The following MRTFB variants were observed in gnomAD, a reference collection of about 807,000 sequenced individuals.
MRTFB encodes myocardin related transcription factor B.
MRTFB carries 29 observed loss-of-function variants against 104.2 expected under a neutral mutation model. That is an observed-to-expected ratio of 0.28 (90% CI 0.21 to 0.38). The LOEUF is 0.38. MRTFB is among the 10% of genes least tolerant of loss of function. The pLI, the probability that MRTFB is intolerant of heterozygous loss-of-function variation, is 1.00. For missense variants in MRTFB, 1,270 were observed against 1,341.6 expected (o/e 0.95, Z 0.83); for synonymous variants, 535 against 519.5 (o/e 1.03, Z -0.41).
chr16:14,218,703 AT>A (rs931008296), intron 7 of MRTFB, 116 bp from the exon 8 acceptor site: 1,328 of 933,852 alleles, frequency 1.4e-3, no homozygotes, highest in Non-Finnish European at 1.7e-3. Context: ...ATTGTGTTCA[AT>A]TTTTTTTTTA....
chr16:14,129,660 C>T (rs1272499299), intron 2 of MRTFB, among the ~76,000 whole-genome samples: 1 of 152,194 alleles, frequency 6.6e-6, no homozygotes, highest in Non-Finnish European at 1.5e-5. Flanking sequence ...CTCACCAGTG[C>T]TGTGCTAGGG....
At chr16:14,168,080 A>G (rs1212286458) in intron 3 of MRTFB, among the ~76,000 whole-genome samples, 1 of 152,184 alleles carries the variant, frequency 6.6e-6, no homozygotes, top group Non-Finnish European at 1.5e-5. Flanking sequence ...AACACCATTT[A>G]TGAAATAGGG....
upstream of MRTFB, among the ~76,000 whole-genome samples, chr16:14,070,544 TGCACAGGGAGTG>T (rs1400439122): frequency 1.3e-5 from 2 of 152,230 alleles, no homozygotes; most frequent in African/African-American, 4.8e-5. Context: ...TCTTCAGAGC[TGCACAGGGAGTG>T]GCACAGGGGC....
At chr16:14,066,613 T>G (rs2033530339), upstream of MRTFB, among the ~76,000 whole-genome samples, 1 of 152,058 alleles carries the variant, frequency 6.6e-6, no homozygotes, top group Non-Finnish European at 1.5e-5. Flanking sequence ...TTAAGCTCTG[T>G]TGGACTTGAT....
intron 1 of MRTFB, among the ~76,000 whole-genome samples, chr16:14,073,483 T>G (rs2033856498): frequency 6.6e-6 from 1 of 152,264 alleles, no homozygotes; most frequent in African/African-American, 2.4e-5. Context: ...TGTCCTGTTT[T>G]GTTTTTTCTT....
intron 3 of MRTFB, among the ~76,000 whole-genome samples, chr16:14,186,067 A>C (rs1157567410): frequency 6.6e-6 from 1 of 152,202 alleles, no homozygotes; most frequent in Non-Finnish European, 1.5e-5. Context: ...ATTTTCCTTA[A>C]AAAAAATCAT....
chr16:14,210,292 C>G lies in MRTFB; in HGVS notation c.204C>G (p.Asp68Glu), dbSNP rs1448528863. 6.2e-7 allele frequency: 1 copy of G among 1,612,848 alleles called. No individual in the cohort carries two copies. The highest frequency in any genetic ancestry group is 8.5e-7 in the Non-Finnish European group (1 of 1,179,320). ...QQRRTREQLV[D>E]QGIMPPLKSP... is the part of the protein sequence containing the mutation. The stretch of plus-strand genomic sequence containing the variant: ...GGAGGACGAGAGAACAACTAGTGGA[C>G]CAGGGCATCATGCCACGTAAGATTT... The change falls in exon 4 of 17, where the codon GAC becomes GAG. Residue 68 changes from aspartate (D) to glutamate (E), a missense_variant. Physicochemically the swap from Asp to Glu is conservative, Grantham distance 45 (BLOSUM62 2). This residue lies in a region of MRTFB where 64 missense variants were observed against 152.9 expected (regional missense o/e 0.42). Coordinates refer to ENST00000571589, the MANE Select transcript of MRTFB (RefSeq NM_001308142.2).
At chr16:14,127,509 T>C (rs1028898478) in intron 2 of MRTFB, among the ~76,000 whole-genome samples, 3 of 151,528 alleles carry the variant, frequency 2.0e-5, no homozygotes, top group Non-Finnish European at 4.4e-5. Context: ...CCAGGCGTGG[T>C]GGTGGGCGCC....
At chr16:14,252,556 C>T (rs973890535) in intron 15 of MRTFB, 54 bp downstream of exon 15, 1 of 1,600,338 alleles carries the variant, frequency 6.2e-7, no homozygotes, top group African/African-American at 1.3e-5. Flanking sequence ...TGCCCACGTT[C>T]AGTCTCGAGC....
the MRTFB span, among the ~76,000 whole-genome samples, chr16:14,016,773 C>CAA: frequency 3.5e-3 from 211 of 60,492 alleles, 3 homozygotes; most frequent in African/African-American, 0.013. Flanking sequence ...AACTCTGCCT[C>CAA]AAAAAAAAAA....
At chr16:14,148,996 AC>A (rs1198184074) in intron 3 of MRTFB, among the ~76,000 whole-genome samples, 2 of 152,150 alleles carry the variant, frequency 1.3e-5, no homozygotes, top group African/African-American at 4.8e-5. Flanking sequence ...GTATTAGTAA[AC>A]ATACTTGCCA....
chr16:14,264,046 G>A lies in MRTFB; in HGVS notation c.*2602G>A, dbSNP rs1342041979. ...GGACTCAGTGCGTGTGATGGTGAGTGCAATGAGGAAGGGTGGATATTGACT... is the reference window on the plus strand; with the variant it reads ...GGACTCAGTGCGTGTGATGGTGAGTACAATGAGGAAGGGTGGATATTGACT... On this transcript the variant is annotated 3_prime_UTR_variant, in exon 17 of 17. Transcript: ENST00000571589. 2 of 152,230 alleles carry A rather than the reference G, an allele frequency of 1.3e-5. No homozygotes were observed. The highest frequency in any genetic ancestry group is 2.9e-5 in the Non-Finnish European group (2 of 68,052). The allele number at this position is 152,230 out of a possible 1,614,324, so 9.4% of individuals were successfully genotyped here.
Position 14,255,962 on chromosome 16 carries a change from A to C in MRTFB, c.2704-2139A>C, listed in dbSNP as rs138380524. 3.1e-3 allele frequency among the ~76,000 whole-genome samples: 472 copies of C among 151,964 alleles called. 13 individuals carry two copies. Among genetic ancestry groups the C allele is most frequent in the Admixed American group, 0.027 (417 of 15,260 alleles). On this transcript the variant is annotated intron_variant, in intron 15 of 16. Transcript: ENST00000571589. ...ACCCCATCATTACAAAAAAGACAAA[A>C]ATTAGCCAGGTGTGGTGGTGCATAC...
At chr16:13,996,100 C>T in the MRTFB span, among the ~76,000 whole-genome samples, 1 of 152,048 alleles carries the variant, frequency 6.6e-6, no homozygotes, top group African/African-American at 2.4e-5. Flanking sequence ...GGTGAAACCC[C>T]ATCTCTACTA....
intron 2 of MRTFB, among the ~76,000 whole-genome samples, chr16:14,118,316 T>C (rs1306395503): frequency 6.6e-6 from 1 of 151,526 alleles, no homozygotes; most frequent in Non-Finnish European, 1.5e-5. Context: ...TTTGTATTCT[T>C]TTTTTTATAG....
chr16:14,071,695 G>A (rs964121467), intron 1 of MRTFB, among the ~76,000 whole-genome samples: 35 of 152,290 alleles, frequency 2.3e-4, no homozygotes, highest in Non-Finnish European at 4.6e-4. Context: ...TGTGTGCCGG[G>A]CACTTAAGTT....
intron 8 of MRTFB, among the ~76,000 whole-genome samples, chr16:14,225,476 CAA>C (rs1012704872): frequency 1.3e-5 from 2 of 152,026 alleles, no homozygotes; most frequent in African/African-American, 4.8e-5. Flanking sequence ...CCTATGGAAA[CAA>C]ACAAAAAATC....
chr16:14,037,924 T>G, the MRTFB span, among the ~76,000 whole-genome samples: 1 of 152,252 alleles, frequency 6.6e-6, no homozygotes. Context: ...ATATTTTCTC[T>G]GTGACATTGG....
chr16:14,174,469 G>A (rs1224337265), intron 3 of MRTFB, among the ~76,000 whole-genome samples: 1 of 152,152 alleles, frequency 6.6e-6, no homozygotes, highest in East Asian at 1.9e-4. Context: ...GATCACTTGA[G>A]GTGAAGAGTT....
Sources: allele counts gnomAD v4.1 joint callset (sites outside exome capture counted in the v4.1 genomes callset), GRCh38; gene constraint gnomAD v4.1.1; regional missense constraint gnomAD v4.1.1; transcripts MANE v1.5; gene names NCBI Gene and HGNC (gene_info 2026-07-23, HGNC 2026-07-21).